Variants in AFF2 observed in about 807,000 individuals in gnomAD.
The protein encoded by AFF2 is AF4/FMR2 family member 2.
Under a neutral mutation model 76.9 loss-of-function variants are expected in AFF2, and 14 were observed. The observed-to-expected ratio is 0.18, with a 90% CI of 0.12 to 0.28. The LOEUF (loss-of-function observed/expected upper bound fraction) is 0.28, where lower values mean the gene tolerates loss of function less well. Ranked by LOEUF, AFF2 falls within the 10% of genes least tolerant of loss-of-function variation. The pLI, the probability that AFF2 is intolerant of heterozygous loss-of-function variation, is 1.00. For missense variants in AFF2, 868 were observed against 1,001.1 expected (o/e 0.87, Z 1.79); for synonymous variants, 398 against 366.7 (o/e 1.09, Z -0.98).
chrX:148,807,437 A>C (rs927305934), intron 3 of AFF2, among the ~76,000 whole-genome samples: 3 of 111,896 alleles, frequency 2.7e-5, no homozygotes, highest in African/African-American at 9.8e-5. Flanking sequence ...GGGTATTACT[A>C]TTATTCTTTC....
intron 2 of AFF2, among the ~76,000 whole-genome samples, chrX:148,658,369 A>C (rs1037467341): frequency 2.8e-4 from 31 of 111,963 alleles, no homozygotes; most frequent in African/African-American, 9.8e-4. Flanking sequence ...CTTCCTTCTG[A>C]GACAATTGCT....
intron 3 of AFF2, among the ~76,000 whole-genome samples, chrX:148,668,166 A>G (rs2054379442): frequency 1.8e-5 from 2 of 112,874 alleles, no homozygotes; most frequent in Non-Finnish European, 3.8e-5. Flanking sequence ...ATCTCCTTTG[A>G]CTCCATGTCT....
intron 3 of AFF2, among the ~76,000 whole-genome samples, chrX:148,689,285 A>G (rs569865657): frequency 2.7e-5 from 3 of 111,450 alleles, no homozygotes; most frequent in African/African-American, 9.8e-5. Flanking sequence ...TTAAGGCCTT[A>G]TGTCCCAAAA....
At chrX:148,668,138 C>T (rs188943322) in intron 3 of AFF2, among the ~76,000 whole-genome samples, 1 of 113,128 alleles carries the variant, frequency 8.8e-6, no homozygotes, top group Non-Finnish European at 1.9e-5. Flanking sequence ...GGCCGTCAAA[C>T]CTTAAAGCTC....
chrX:148,700,307 C>A (rs906101005), intron 3 of AFF2, among the ~76,000 whole-genome samples: 1 of 111,220 alleles, frequency 9.0e-6, no homozygotes, highest in Non-Finnish European at 1.9e-5. Flanking sequence ...ACTCCCAGGG[C>A]AGGCTCTCGT....
At chrX:148,881,320 G>A (rs1449893840) in intron 7 of AFF2, among the ~76,000 whole-genome samples, 3 of 111,692 alleles carry the variant, frequency 2.7e-5, no homozygotes, top group Non-Finnish European at 5.7e-5. Context: ...ACAGCTTCCT[G>A]AGAGTGACAG....
At chrX:148,564,740 C>T (rs2053150681) in intron 1 of AFF2, among the ~76,000 whole-genome samples, 1 of 111,642 alleles carries the variant, frequency 9.0e-6, no homozygotes, top group African/African-American at 3.3e-5. Flanking sequence ...CCTGGACTTC[C>T]CCAGGCTGAA....
chrX:148,709,263 C>T (rs1482613156), intron 3 of AFF2, among the ~76,000 whole-genome samples: 4 of 111,413 alleles, frequency 3.6e-5, no homozygotes, highest in Non-Finnish European at 5.7e-5. Flanking sequence ...ACTGCCTTGC[C>T]AAATGTGCCA....
intron 4 of AFF2, among the ~76,000 whole-genome samples, chrX:148,835,005 T>C (rs2124664233): frequency 8.9e-6 from 1 of 112,341 alleles, no homozygotes; most frequent in East Asian, 2.8e-4. Context: ...TGAAATCAGT[T>C]GTAATTGAAA....
chrX:148,539,638 C>T (rs1359977779), intron 1 of AFF2, among the ~76,000 whole-genome samples: 2 of 110,948 alleles, frequency 1.8e-5, no homozygotes, highest in African/African-American at 6.6e-5. Context: ...TTTCCCCACC[C>T]AACATTCTCT....
At chrX:148,748,310 G>T (rs999268284) in intron 3 of AFF2, among the ~76,000 whole-genome samples, 10 of 111,821 alleles carry the variant, frequency 8.9e-5, no homozygotes, top group African/African-American at 2.9e-4. Flanking sequence ...ATATGAATAT[G>T]ATTTACAAGA....
chrX:148,598,909 A>G (rs2053601075), intron 1 of AFF2, among the ~76,000 whole-genome samples: 1 of 112,665 alleles, frequency 8.9e-6, no homozygotes, highest in Non-Finnish European at 1.9e-5. Context: ...GATTTATTTC[A>G]TTTCATGTTT....
chrX:148,961,405 A>G (rs970383563), intron 12 of AFF2, among the ~76,000 whole-genome samples: 53 of 112,687 alleles, frequency 4.7e-4, no homozygotes, highest in African/African-American at 1.6e-3. Context: ...CTATTTTAAA[A>G]TGGTTATACA....
intron 8 of AFF2, among the ~76,000 whole-genome samples, chrX:148,888,749 G>T (rs1324320797): frequency 9.0e-6 from 1 of 111,685 alleles, no homozygotes; most frequent in Non-Finnish European, 1.9e-5. Flanking sequence ...GCTAGGTGTG[G>T]TGTCTCATTT....
intron 4 of AFF2, among the ~76,000 whole-genome samples, chrX:148,818,034 A>G (rs1315872382): frequency 1.8e-5 from 2 of 111,917 alleles, no homozygotes; most frequent in East Asian, 5.6e-4. Context: ...AAGCATTCTC[A>G]TTATAGTCAA....
At chrX:148,935,385 T>C (rs2071762147) in intron 9 of AFF2, among the ~76,000 whole-genome samples, 1 of 72,700 alleles carries the variant, frequency 1.4e-5, no homozygotes, top group Non-Finnish European at 2.7e-5. Context: ...TAAACTTGTG[T>C]CATTTGAAAC....
intron 8 of AFF2, among the ~76,000 whole-genome samples, chrX:148,892,642 C>T (rs782377964): frequency 4.5e-5 from 5 of 111,480 alleles, no homozygotes; most frequent in Admixed American, 2.9e-4. Flanking sequence ...ATTGAAAGCC[C>T]GCATTTATAT....
At chrX:148,945,098 A>G (rs1310249228) in intron 9 of AFF2, among the ~76,000 whole-genome samples, 1 of 111,423 alleles carries the variant, frequency 9.0e-6, no homozygotes, top group Non-Finnish European at 1.9e-5. Context: ...GGCCATGGAT[A>G]TAGCCTGCTA....
chrX:148,661,891 T>C lies in AFF2; in HGVS notation c.181-17T>C. 1 of 1,176,291 alleles carries C rather than the reference T, an allele frequency of 8.5e-7. No individual in the cohort carries two copies. Among genetic ancestry groups the C allele is most frequent in the Non-Finnish European group, 1.1e-6 (1 of 877,512 alleles). On this transcript the variant is annotated splice_polypyrimidine_tract_variant and intron_variant, in intron 2 of 20. Transcript: ENST00000370460. ...TTCATTCTCTCTCCTCCCACCCCCA[T>C]CTTTTTGTTATTTTAGACAAACAAA...
Sources: allele counts gnomAD v4.1 joint callset (sites outside exome capture counted in the v4.1 genomes callset), GRCh38; gene constraint gnomAD v4.1.1; transcripts MANE v1.5; gene names NCBI Gene and HGNC (gene_info 2026-07-23, HGNC 2026-07-21).